The following PDE6G variants were observed in gnomAD, a reference collection of about 807,000 sequenced individuals.
The protein encoded by PDE6G is phosphodiesterase 6G, also known as rod cGMP 3',5'-cyclic phosphodiesterase subunit gamma.
PDE6G carries 10 observed loss-of-function variants against 10.9 expected under a neutral mutation model. That is an observed-to-expected ratio of 0.91 (90% CI 0.56 to 1.55). The LOEUF is 1.55. Among genes scored for constraint, PDE6G ranks in the 40% most tolerant of loss-of-function variants. PDE6G has a pLI of 0.00. For missense variants in PDE6G, 102 were observed against 110.1 expected (o/e 0.93, Z 0.33); for synonymous variants, 41 against 42.8 (o/e 0.96, Z 0.16).
chr17:81,659,646 C>A (rs539643589), upstream of PDE6G, among the ~76,000 whole-genome samples: 4 of 152,238 alleles, frequency 2.6e-5, no homozygotes, highest in South Asian at 8.3e-4. Context: ...ATGTGGAACA[C>A]TCTTTAAATT....
intron 1 of PDE6G, among the ~76,000 whole-genome samples, chr17:81,654,458 C>T (rs1196483034): frequency 6.7e-6 from 1 of 148,558 alleles, no homozygotes; most frequent in Non-Finnish European, 1.5e-5. Context: ...TGGCTCACTG[C>T]AACTTCTGCC....
chr17:81,655,341 G>A (rs894733793), intron 1 of PDE6G, among the ~76,000 whole-genome samples: 4 of 152,238 alleles, frequency 2.6e-5, no homozygotes, highest in Non-Finnish European at 5.9e-5. Context: ...GCTGGGGCTT[G>A]GGGACGGAGG....
upstream of PDE6G, among the ~76,000 whole-genome samples, chr17:81,659,173 T>G (rs1598723711): frequency 1.3e-5 from 2 of 148,866 alleles, no homozygotes; most frequent in East Asian, 3.9e-4. Context: ...TTTTTTTTTT[T>G]GAGAGACAGG....
rs2036386987 is a variant in PDE6G, at chr17:81,653,064, T to G, written c.146+96A>C. On this transcript the variant is annotated intron_variant, in intron 2 of 3. Coordinates refer to ENST00000331056, the MANE Select transcript of PDE6G (RefSeq NM_002602.4). The surrounding 1 kb of genome is among the most constrained non-coding windows in gnomAD (Gnocchi z 5.2). Reference sequence around the variant, plus strand: ...TGTGAGGCTGGGACCACTCACCCAGTGAAGTGGCCCCAGGCTCTGCCCCGC... The same window carrying G: ...TGTGAGGCTGGGACCACTCACCCAGGGAAGTGGCCCCAGGCTCTGCCCCGC... 4.3e-6 allele frequency: 6 copies of G among 1,395,784 alleles called. No individual in the cohort carries two copies. In the South Asian group the frequency reaches 6.9e-5, roughly 16 times the overall value. 86.5% of individuals were successfully genotyped at this position (1,395,784 alleles called of 1,614,324 possible).
chr17:81,653,574 C>A lies in PDE6G; in HGVS notation c.-59-210G>T, dbSNP rs1598719305. 3.9e-6 allele frequency: 2 copies of A among 514,898 alleles called. No homozygotes were observed. The highest frequency in any genetic ancestry group is 3.5e-5 in the East Asian group (1 of 28,908). The allele number at this position is 514,898 out of a possible 1,614,324, so 31.9% of individuals were successfully genotyped here. Reference sequence around the variant, plus strand: ...TCCCATTCCCCTTGCCTAGTGGATGCCCCCCTGCAACGCTGGCCACACACA... The same window carrying A: ...TCCCATTCCCCTTGCCTAGTGGATGACCCCCTGCAACGCTGGCCACACACA... On this transcript the variant is annotated intron_variant, in intron 1 of 3. Transcript: ENST00000331056. This position sits in a 1 kb window ranked among gnomAD's most constrained non-coding sequence, Gnocchi z 5.2.
Position 81,651,201 on chromosome 17 carries a change from C to A in PDE6G, c.188-51G>T. On this transcript the variant is annotated intron_variant, in intron 3 of 3. Transcript: ENST00000331056. The surrounding 1 kb of genome is among the most constrained non-coding windows in gnomAD (Gnocchi z 4.8). ...AGAGAGGATCCCACGGCCTAGGGAC[C>A]CCCCCATCCCCTGTGGCCCTGTTTC... 7.5e-7 allele frequency: 1 copy of A among 1,339,936 alleles called. No individual in the cohort carries two copies. The highest frequency in any genetic ancestry group is 1.1e-6 in the Non-Finnish European group (1 of 931,978). 83.0% of individuals were successfully genotyped at this position (1,339,936 alleles called of 1,614,324 possible).
intron 1 of PDE6G, among the ~76,000 whole-genome samples, chr17:81,661,858 CAA>C (rs33915100): frequency 0.02 from 1,327 of 65,274 alleles, 25 homozygotes; most frequent in African/African-American, 0.041. Context: ...GACTCTGTCT[CAA>C]AAAAAAAAAA....
At chr17:81,659,042 C>T (rs1008471774), upstream of PDE6G, among the ~76,000 whole-genome samples, 6 of 151,754 alleles carry the variant, frequency 4.0e-5, no homozygotes, top group African/African-American at 7.3e-5. Context: ...CCAGAAAGGA[C>T]GGCTGGATTC....
intron 1 of PDE6G, 61 bp downstream of exon 1, chr17:81,656,432 C>G: frequency 1.4e-6 from 1 of 723,174 alleles, no homozygotes; most frequent in Admixed American, 1.9e-5. Flanking sequence ...TGAGCAGACC[C>G]CCACTGACTC....
upstream of PDE6G, among the ~76,000 whole-genome samples, chr17:81,659,881 G>A (rs545379507): frequency 6.6e-6 from 1 of 152,284 alleles, no homozygotes; most frequent in Admixed American, 6.5e-5. Flanking sequence ...GAGGTCAGGA[G>A]TTGGAGACCA....
Position 81,650,787 on chromosome 17 carries a change from G to GGTC in PDE6G, c.*286_*287insGAC. ...CTGGGGTCCACTTCCCGTTCTCCCT[G>GGTC]GGAGTGGAGACCGACCAAGCCTCTC... is the stretch of plus-strand genomic sequence containing the variant. On this transcript the variant is annotated 3_prime_UTR_variant, in exon 4 of 4. Transcript: ENST00000331056. 1.9e-6 allele frequency: 1 copy of GGTC among 529,442 alleles called. No individual in the cohort carries two copies. Among genetic ancestry groups the GGTC allele is most frequent in the East Asian group, 4.4e-5 (1 of 22,626 alleles). The allele number at this position is 529,442 out of a possible 1,614,324, so 32.8% of individuals were successfully genotyped here. A position where few individuals can be genotyped will look rare whatever the true frequency, so the allele number is the denominator to read the frequency against.
upstream of PDE6G, among the ~76,000 whole-genome samples, chr17:81,657,696 T>C (rs2036464648): frequency 6.6e-6 from 1 of 151,220 alleles, no homozygotes; most frequent in East Asian, 2.0e-4. Flanking sequence ...CTTGCTAACA[T>C]GGTGAAACCC....
At chr17:81,657,688 T>G (rs964457316), upstream of PDE6G, among the ~76,000 whole-genome samples, 2 of 151,306 alleles carry the variant, frequency 1.3e-5, no homozygotes, top group Admixed American at 1.3e-4. Context: ...AGACCATCCT[T>G]GCTAACATGG....
intron 1 of PDE6G, among the ~76,000 whole-genome samples, chr17:81,662,566 T>C (rs1364723852): frequency 2.0e-5 from 3 of 151,244 alleles, no homozygotes; most frequent in Non-Finnish European, 2.9e-5. Flanking sequence ...GAGGTTGTGG[T>C]GAGCCGAGAT....
upstream of PDE6G, chr17:81,656,986 C>CG: frequency 3.7e-6 from 1 of 270,026 alleles, no homozygotes; most frequent in Non-Finnish European, 7.3e-6. Context: ...AGGACCCCCC[C>CG]CCGCCCTTAG....
chr17:81,651,583 C>A lies in PDE6G; in HGVS notation c.187+62G>T. 6.6e-7 allele frequency: 1 copy of A among 1,523,106 alleles called. No homozygotes were observed. Among genetic ancestry groups the A allele is most frequent in the Non-Finnish European group, 9.1e-7 (1 of 1,097,356 alleles). 94.3% of individuals were successfully genotyped at this position (1,523,106 alleles called of 1,614,324 possible). A position where few individuals can be genotyped will look rare whatever the true frequency, so the allele number is the denominator to read the frequency against. On this transcript the variant is annotated intron_variant, in intron 3 of 3. Coordinates refer to ENST00000331056, the MANE Select transcript of PDE6G (RefSeq NM_002602.4). The surrounding 1 kb of genome is among the most constrained non-coding windows in gnomAD (Gnocchi z 4.8). ...GAGGTGGGCTGCAATGGGCCCCGGG[C>A]GTGCTGGGTGTGCCTGGGGGGACCT...
At position 81,650,754 on chromosome 17, in the gene PDE6G, C is replaced by A; in HGVS notation, c.*320G>T. 2 of 480,584 alleles carry A rather than the reference C, an allele frequency of 4.2e-6. No homozygotes were observed. Among genetic ancestry groups the A allele is most frequent in the South Asian group, 1.6e-5 (1 of 63,110 alleles). The allele number at this position is 480,584 out of a possible 1,614,324, so 29.8% of individuals were successfully genotyped here. The stretch of plus-strand genomic sequence containing the variant: ...AGGGGACGATCTGGGGTCCAGCAGG[C>A]TCCCGGGCTGGGGTCCACTTCCCGT... On this transcript the variant is annotated 3_prime_UTR_variant, in exon 4 of 4. Coordinates refer to ENST00000331056, the MANE Select transcript of PDE6G (RefSeq NM_002602.4).
Position 81,653,239 on chromosome 17 carries a change from G to C in PDE6G, c.67C>G (p.Pro23Ala). The change falls in exon 2 of 4, where the codon CCC becomes GCC. Residue 23 changes from proline (P) to alanine (A), a missense_variant. Transcript: ENST00000331056. This position sits in a 1 kb window ranked among gnomAD's most constrained non-coding sequence, Gnocchi z 5.2. ...ATRVAGGPVTPRKGPPKFKQR... is the reference protein window; with the variant it reads ...ATRVAGGPVTARKGPPKFKQR... Reference sequence around the variant, plus strand: ...TTAAATTTAGGGGGCCCTTTCCTGGGGGTGACAGGTCCCCCGGCCACCCTG... The same window carrying C: ...TTAAATTTAGGGGGCCCTTTCCTGGCGGTGACAGGTCCCCCGGCCACCCTG... The C allele has an allele frequency of 6.2e-7, 1 of 1,614,056 alleles. No homozygotes were observed. Among genetic ancestry groups the C allele is most frequent in the Non-Finnish European group, 8.5e-7 (1 of 1,179,986 alleles).
chr17:81,651,451 G>C lies in PDE6G; in HGVS notation c.187+194C>G, dbSNP rs1480929922. On this transcript the variant is annotated intron_variant, in intron 3 of 3. Coordinates refer to ENST00000331056, the MANE Select transcript of PDE6G (RefSeq NM_002602.4). The surrounding 1 kb of genome is among the most constrained non-coding windows in gnomAD (Gnocchi z 4.8). ...TCACCTGGTGCAAGTGTCCCAAATG[G>C]GGACAGCCCCACCCTCTAGATCCAG... Among the ~76,000 whole-genome samples the C allele has an allele frequency of 6.6e-6, 1 of 152,042 alleles. No individual in the cohort carries two copies. Among genetic ancestry groups the C allele is most frequent in the Non-Finnish European group, 1.5e-5 (1 of 67,980 alleles).
Sources: allele counts gnomAD v4.1 joint callset (sites outside exome capture counted in the v4.1 genomes callset), GRCh38; gene constraint gnomAD v4.1.1; non-coding constraint Gnocchi (gnomAD v3.1); transcripts MANE v1.5; gene names NCBI Gene and HGNC (gene_info 2026-07-23, HGNC 2026-07-21).